The following RGS7 variants were observed in gnomAD, a reference collection of about 807,000 sequenced individuals.
The protein encoded by RGS7 is regulator of G protein signaling 7.
RGS7 carries 27 observed loss-of-function variants against 81.1 expected under a neutral mutation model. The ratio of observed to expected loss-of-function variants is 0.33; its 90% CI spans 0.25 to 0.46. RGS7 has a LOEUF of 0.46. Among genes scored for constraint, RGS7 ranks in the 20% least tolerant of loss-of-function variants. RGS7 has a pLI of 1.00. For missense variants in RGS7, 396 were observed against 607.4 expected, an observed-to-expected ratio of 0.65 and a Z score of 3.66; for synonymous variants, 208 against 207.7, an observed-to-expected ratio of 1.00 and a Z score of -0.01.
chr1:241,163,610 A>C lies in RGS7; in HGVS notation c.79-64848T>G, dbSNP rs956593920. ...ACCTGTGAGATTTCATCTACATAAC[A>C]AGTGATCTTTGCTAGCCAGGGCTCC... On this transcript the variant is annotated intron_variant, in intron 2 of 18. Transcript: ENST00000440928. This position sits in a 1 kb window ranked among gnomAD's most constrained non-coding sequence, Gnocchi z 4.6. Among the ~76,000 whole-genome samples the C allele has an allele frequency of 6.6e-6, 1 of 152,020 alleles. No homozygotes were observed. Among genetic ancestry groups the C allele is most frequent in the Non-Finnish European group, 1.5e-5 (1 of 68,024 alleles).
intron 4 of RGS7, among the ~76,000 whole-genome samples, chr1:240,971,192 C>T (rs895652172): frequency 2.0e-5 from 3 of 152,046 alleles, no homozygotes; most frequent in African/African-American, 7.2e-5. Context: ...GAGGCCACAG[C>T]GAGAAGACAG....
At chr1:241,321,861 C>G (rs2081232451) in intron 2 of RGS7, among the ~76,000 whole-genome samples, 1 of 152,108 alleles carries the variant, frequency 6.6e-6, no homozygotes, top group Non-Finnish European at 1.5e-5. Flanking sequence ...GAATAAAGTC[C>G]AAACCGCCGT....
At chr1:241,086,449 A>C (rs923110128) in intron 3 of RGS7, among the ~76,000 whole-genome samples, 1 of 151,932 alleles carries the variant, frequency 6.6e-6, no homozygotes, top group Non-Finnish European at 1.5e-5. Context: ...TGAGTTAGTA[A>C]TGAAGTCCTT....
At chr1:241,188,739 T>G (rs1443011681) in intron 2 of RGS7, among the ~76,000 whole-genome samples, 1 of 152,212 alleles carries the variant, frequency 6.6e-6, no homozygotes, top group East Asian at 1.9e-4. Flanking sequence ...CTGACATTAT[T>G]GTGTGACCTT....
chr1:240,929,948 G>A (rs926484391), intron 6 of RGS7, among the ~76,000 whole-genome samples: 1 of 152,136 alleles, frequency 6.6e-6, no homozygotes, highest in African/African-American at 2.4e-5. Flanking sequence ...GCTACCCAAT[G>A]GTGTCAATGA....
intron 6 of RGS7, among the ~76,000 whole-genome samples, chr1:240,899,779 T>C (rs1669680775): frequency 6.6e-6 from 1 of 152,170 alleles, no homozygotes; most frequent in African/African-American, 2.4e-5. Context: ...GTTGCTCTTC[T>C]CGAGGTGTAT....
chr1:240,914,596 G>C (rs1318169938), intron 6 of RGS7, among the ~76,000 whole-genome samples: 1 of 152,112 alleles, frequency 6.6e-6, no homozygotes, highest in East Asian at 1.9e-4. Flanking sequence ...ATACTGAAGA[G>C]GGTGTAAAAA....
chr1:241,158,772 ACT>A (rs2069386572), intron 2 of RGS7, among the ~76,000 whole-genome samples: 1 of 152,204 alleles, frequency 6.6e-6, no homozygotes, highest in Non-Finnish European at 1.5e-5. Flanking sequence ...ACACAATAGC[ACT>A]TACTCTTCAG....
intron 2 of RGS7, among the ~76,000 whole-genome samples, chr1:241,112,411 C>T (rs1032391617): frequency 2.0e-5 from 3 of 152,010 alleles, no homozygotes; most frequent in African/African-American, 7.2e-5. Flanking sequence ...GTCCATGAAA[C>T]AATACCATGT....
chr1:240,794,598 C>T (rs528380906), intron 18 of RGS7, among the ~76,000 whole-genome samples: 1 of 152,262 alleles, frequency 6.6e-6, no homozygotes, highest in African/African-American at 2.4e-5. Context: ...CAGTAAAGTC[C>T]AGAGTGTTCA....
intron 4 of RGS7, among the ~76,000 whole-genome samples, chr1:240,971,133 G>A (rs1428351383): frequency 6.6e-6 from 1 of 152,144 alleles, no homozygotes; most frequent in African/African-American, 2.4e-5. Context: ...TGGAATTAGT[G>A]CTTTTATAAA....
At chr1:240,982,047 T>G (rs988191521) in intron 4 of RGS7, among the ~76,000 whole-genome samples, 3 of 152,212 alleles carry the variant, frequency 2.0e-5, no homozygotes. Flanking sequence ...CAGAATCTTC[T>G]CTGAACAATA....
At chr1:241,277,731 G>A (rs138402327) in intron 2 of RGS7, among the ~76,000 whole-genome samples, 22 of 152,184 alleles carry the variant, frequency 1.4e-4, no homozygotes, top group Non-Finnish European at 2.5e-4. Context: ...TCACTTGTGC[G>A]TACATTACTC....
intron 3 of RGS7, among the ~76,000 whole-genome samples, chr1:241,050,362 G>A (rs2061182188): frequency 1.3e-5 from 2 of 152,126 alleles, no homozygotes; most frequent in South Asian, 4.1e-4. Flanking sequence ...TCCTCAGGTG[G>A]AAAGGGAAAC....
intron 18 of RGS7, among the ~76,000 whole-genome samples, chr1:240,781,879 G>A (rs1039256303): frequency 2.6e-5 from 4 of 152,072 alleles, no homozygotes; most frequent in African/African-American, 9.7e-5. Flanking sequence ...GCTGGGCATG[G>A]TGGCGGTCAC....
chr1:240,780,439 C>CAAA (rs34568911), intron 18 of RGS7, among the ~76,000 whole-genome samples: 4 of 40,202 alleles, frequency 9.9e-5, no homozygotes, highest in South Asian at 1.0e-3. Context: ...GACTCTGTCT[C>CAAA]AAAAAAAAAA....
chr1:241,309,888 G>A (rs375363096), intron 2 of RGS7, among the ~76,000 whole-genome samples: 9 of 152,266 alleles, frequency 5.9e-5, no homozygotes, highest in Non-Finnish European at 1.2e-4. Context: ...GATTGCCTTC[G>A]TTCAACAGCT....
At chr1:240,948,458 A>T (rs537627432) in intron 4 of RGS7, among the ~76,000 whole-genome samples, 19 of 152,054 alleles carry the variant, frequency 1.2e-4, no homozygotes, top group East Asian at 9.7e-4. Context: ...TTATTTATTT[A>T]TTTTTTTGAG....
chr1:241,337,609 C>T (rs2082320499), intron 2 of RGS7, among the ~76,000 whole-genome samples: 1 of 152,184 alleles, frequency 6.6e-6, no homozygotes, highest in African/African-American at 2.4e-5. Context: ...TTGGCTCCAT[C>T]TCACTAAATG....
Sources: allele counts gnomAD v4.1 joint callset (sites outside exome capture counted in the v4.1 genomes callset), GRCh38; gene constraint gnomAD v4.1.1; non-coding constraint Gnocchi (gnomAD v3.1); transcripts MANE v1.5; gene names NCBI Gene and HGNC (gene_info 2026-07-23, HGNC 2026-07-21).